TENM3: variants seen among roughly 807,000 people sequenced by gnomAD.
TENM3 encodes teneurin-3.
In TENM3, 63 loss-of-function variants were observed where a neutral mutation model predicts 255.1. The observed-to-expected ratio is 0.25, with a 90% CI of 0.20 to 0.30. The LOEUF is 0.30. Among genes scored for constraint, TENM3 ranks in the 10% least tolerant of loss-of-function variants. The probability of loss-of-function intolerance (pLI) is 1.00; values close to 1 mark genes in which losing one functional copy is unlikely to be tolerated. For missense variants in TENM3, 2,929 were observed against 3,461.1 expected (o/e 0.85, Z 3.86); for synonymous variants, 1,306 against 1,322.3 (o/e 0.99, Z 0.27).
At chr4:181,867,804 G>C in the TENM3 span, among the ~76,000 whole-genome samples, 5 of 152,244 alleles carry the variant, frequency 3.3e-5, no homozygotes, top group African/African-American at 1.2e-4. Context: ...GCAAACTGCC[G>C]CAAAATTGAG....
intron 3 of TENM3, among the ~76,000 whole-genome samples, chr4:182,549,542 TAG>T (rs1741799533): frequency 7.2e-5 from 11 of 152,186 alleles, no homozygotes; most frequent in Non-Finnish European, 1.3e-4. Context: ...AAGCAAATGT[TAG>T]GCTTGTCAGC....
At chr4:182,231,622 C>T (rs993152058) in intron 1 of TENM3, among the ~76,000 whole-genome samples, 1 of 152,192 alleles carries the variant, frequency 6.6e-6, no homozygotes, top group Non-Finnish European at 1.5e-5. Flanking sequence ...CAGGAATGTT[C>T]CTGCCTCTCG....
intron 12 of TENM3, among the ~76,000 whole-genome samples, chr4:182,703,043 A>T (rs1286359776): frequency 6.6e-6 from 1 of 152,190 alleles, no homozygotes. Flanking sequence ...GCCCAAGCCC[A>T]TGTTCTTAAG....
At chr4:182,636,497 G>T (rs1751852720) in intron 5 of TENM3, among the ~76,000 whole-genome samples, 1 of 151,978 alleles carries the variant, frequency 6.6e-6, no homozygotes, top group Non-Finnish European at 1.5e-5. Flanking sequence ...AGCACTTTGG[G>T]AGGAGGCCAG....
the TENM3 span, among the ~76,000 whole-genome samples, chr4:181,682,217 G>A: frequency 1.1e-4 from 17 of 152,122 alleles, no homozygotes; most frequent in African/African-American, 3.4e-4. Context: ...TCCTGCCACC[G>A]CCAAGGAGGG....
intron 24 of TENM3, among the ~76,000 whole-genome samples, chr4:182,780,821 G>A (rs1316218160): frequency 6.6e-6 from 1 of 151,500 alleles, no homozygotes; most frequent in African/African-American, 2.5e-5. Flanking sequence ...TGAAGCAATT[G>A]TGAATGGGAG....
At chr4:181,582,416 A>G in the TENM3 span, among the ~76,000 whole-genome samples, 8 of 152,164 alleles carry the variant, frequency 5.3e-5, no homozygotes, top group Non-Finnish European at 1.2e-4. Context: ...AATGAACCAG[A>G]GGCCCAGGCA....
At chr4:181,887,547 C>T in the TENM3 span, among the ~76,000 whole-genome samples, 52,772 of 151,970 alleles carry the variant, frequency 0.35, 9,696 homozygotes, top group East Asian at 0.64. Context: ...TGAATGCTCC[C>T]TTGAATCATG....
intron 3 of TENM3, among the ~76,000 whole-genome samples, chr4:182,409,005 G>C (rs899245944): frequency 6.6e-6 from 1 of 152,226 alleles, no homozygotes; most frequent in African/African-American, 2.4e-5. Context: ...GACAAACATG[G>C]CAAGCAGAGT....
At chr4:182,090,544 A>C in the TENM3 span, among the ~76,000 whole-genome samples, 4 of 152,352 alleles carry the variant, frequency 2.6e-5, no homozygotes, top group African/African-American at 9.6e-5. Context: ...TGAGAAAGCC[A>C]TACAGAGGTT....
intron 3 of TENM3, among the ~76,000 whole-genome samples, chr4:182,558,137 G>C (rs142174333): frequency 6.6e-6 from 1 of 152,146 alleles, no homozygotes; most frequent in Non-Finnish European, 1.5e-5. Flanking sequence ...GTTTGCCCTC[G>C]ATGGAGTGCA....
At chr4:182,679,255 G>A (rs966437473) in intron 7 of TENM3, among the ~76,000 whole-genome samples, 20 of 152,062 alleles carry the variant, frequency 1.3e-4, no homozygotes, top group Non-Finnish European at 2.8e-4. Context: ...GGCCGGGAGG[G>A]CACTCAAAAT....
the TENM3 span, among the ~76,000 whole-genome samples, chr4:181,464,793 A>G: frequency 6.6e-6 from 1 of 152,144 alleles, no homozygotes; most frequent in Non-Finnish European, 1.5e-5. Flanking sequence ...TCTACAAAAA[A>G]TACAAAAATT....
intron 3 of TENM3, among the ~76,000 whole-genome samples, chr4:182,534,769 G>C (rs1187458787): frequency 2.0e-5 from 3 of 152,182 alleles, no homozygotes; most frequent in Non-Finnish European, 4.4e-5. Flanking sequence ...ACTTGCCCAG[G>C]ATTATACAGT....
At chr4:182,540,712 A>T (rs1007363642) in intron 3 of TENM3, among the ~76,000 whole-genome samples, 2 of 152,192 alleles carry the variant, frequency 1.3e-5, no homozygotes, top group Non-Finnish European at 2.9e-5. Flanking sequence ...CATGTCAAGA[A>T]CTGGGCTAGG....
chr4:181,588,468 C>A, the TENM3 span, among the ~76,000 whole-genome samples: 1 of 152,136 alleles, frequency 6.6e-6, no homozygotes, highest in African/African-American at 2.4e-5. Context: ...AGAATATTGT[C>A]ATTATCACCC....
intron 1 of TENM3, among the ~76,000 whole-genome samples, chr4:182,270,009 G>A (rs1759511109): frequency 1.3e-5 from 2 of 152,174 alleles, no homozygotes; most frequent in African/African-American, 4.8e-5. Context: ...GATCATAGGT[G>A]GATTCAAAGA....
intron 1 of TENM3, among the ~76,000 whole-genome samples, chr4:182,182,165 G>A (rs115194181): frequency 3.6e-3 from 541 of 152,200 alleles, no homozygotes; most frequent in African/African-American, 0.012. Context: ...AATTTCAGAC[G>A]TGATTTTAAC....
At chr4:182,485,331 A>G (rs1205066935) in intron 3 of TENM3, among the ~76,000 whole-genome samples, 1 of 152,154 alleles carries the variant, frequency 6.6e-6, no homozygotes, top group Non-Finnish European at 1.5e-5. Flanking sequence ...TCTAATGGCA[A>G]CTTTATGGAA....
Sources: gnomAD v4.1 joint callset for allele counts (sites outside exome capture counted in the v4.1 genomes callset) on GRCh38, gnomAD v4.1.1 for gene constraint, MANE v1.5 for transcripts, NCBI Gene and HGNC (gene_info 2026-07-23, HGNC 2026-07-21) for gene names.